GLA: variants seen among roughly 807,000 people sequenced by gnomAD.
GLA encodes the protein alpha-galactosidase A.
A neutral mutation model predicts 28.2 loss-of-function variants in GLA; 4 were observed. That is an observed-to-expected ratio of 0.14 (90% confidence interval 0.07 to 0.32). GLA has a LOEUF of 0.32. Ranked by LOEUF, GLA falls within the 10% of genes least tolerant of loss-of-function variation. GLA has a pLI of 1.00. For missense variants in GLA, 203 were observed against 323.7 expected (o/e 0.63, Z 2.86); for synonymous variants, 94 against 113.0 (o/e 0.83, Z 1.07).
At chrX:101,402,568 G>C (rs1442691858) in intron 2 of GLA, among the ~76,000 whole-genome samples, 1 of 109,964 alleles carries the variant, frequency 9.1e-6, no homozygotes, top group Non-Finnish European at 1.9e-5. Flanking sequence ...TTCGAGACCA[G>C]CCTGGCGAAT....
At position 101,398,475 on chromosome X, in the gene GLA, A is replaced by G. The variant is rs869312444; in HGVS notation, c.894T>C (p.Asn298=). The change falls in exon 6 of 7, where the codon AAT becomes AAC. Residue 298 remains asparagine, a synonymous_variant. Transcript: ENST00000218516. ...AIMAAPLFMS[N]DLRHISPQAK... ...CTTGAGGGCTGATGTGTCGGAGGTC[A>G]TTAGACATGAATAAAGGAGCAGCCA... 2 of 1,205,765 alleles carry G rather than the reference A, an allele frequency of 1.7e-6. No individual in the cohort carries two copies. The highest frequency in any genetic ancestry group is 2.2e-6 in the Non-Finnish European group (2 of 889,920).
intron 1 of GLA, among the ~76,000 whole-genome samples, chrX:101,407,167 GTC>G (rs782771550): frequency 8.9e-6 from 1 of 111,839 alleles, no homozygotes; most frequent in South Asian, 3.7e-4. Flanking sequence ...CGACCTTATG[GTC>G]TCTCTAACTC....
Position 101,398,424 on chromosome X carries a change from G to C in GLA, c.945C>G (p.Asp315Glu). ...AGGGGTCCTGATTGATGGCAATTAC[G>C]TCCTTATCCTGAAGGAGAGCTTTGG... ...PQAKALLQDK[D>E]VIAINQDPLG... Residue 315 changes from aspartate to glutamate, a missense_variant, in exon 6 of 7, where the codon GAC becomes GAG. Around this residue, in one of 3 missense-constraint regions of GLA, gnomAD observed 162 missense variants for 246.8 expected, o/e 0.66. Transcript: ENST00000218516. 8.3e-7 allele frequency: 1 copy of C among 1,209,730 alleles called. No homozygotes were observed. Among genetic ancestry groups the C allele is most frequent in the Non-Finnish European group, 1.1e-6 (1 of 893,895 alleles).
chrX:101,403,523 G>A (rs1197679255), intron 2 of GLA, among the ~76,000 whole-genome samples: 1 of 107,810 alleles, frequency 9.3e-6, no homozygotes, highest in Non-Finnish European at 1.9e-5. Flanking sequence ...CACCTCCTGG[G>A]TTCAAGCGAT....
chrX:101,404,171 A>T (rs782654911), intron 1 of GLA, among the ~76,000 whole-genome samples, 186 bp from the exon 2 acceptor site: 1 of 112,362 alleles, frequency 8.9e-6, no homozygotes, highest in South Asian at 3.7e-4. Context: ...TATCCCGTTA[A>T]TATTCCCGCC....
At chrX:101,405,684 GC>G (rs1383400590) in intron 1 of GLA, among the ~76,000 whole-genome samples, 2 of 111,110 alleles carry the variant, frequency 1.8e-5, no homozygotes, top group Non-Finnish European at 3.8e-5. Context: ...ACTCTGGGAG[GC>G]CAAGGCGGGC....
intron 3 of GLA, 91 bp from the exon 4 acceptor site, chrX:101,400,848 A>G: frequency 2.2e-6 from 1 of 448,611 alleles, no homozygotes; most frequent in South Asian, 3.6e-5. Context: ...TTTTATTTTA[A>G]TTTTTTGAGA....
chrX:101,403,413 G>T (rs1205116965), intron 2 of GLA, among the ~76,000 whole-genome samples: 1 of 110,074 alleles, frequency 9.1e-6, no homozygotes, highest in East Asian at 2.8e-4. Context: ...GTGTCATGAG[G>T]GCTGTTTCTT....
intron 2 of GLA, among the ~76,000 whole-genome samples, chrX:101,402,274 T>C (rs1028473073): frequency 3.1e-4 from 35 of 111,900 alleles, no homozygotes; most frequent in African/African-American, 1.1e-3. Flanking sequence ...TGATATCTGA[T>C]CAATTTCCCT....
chrX:101,401,459 A>G (rs1885286702), intron 3 of GLA, 173 bp downstream of exon 3: 3 of 504,966 alleles, frequency 5.9e-6, no homozygotes, highest in Non-Finnish European at 1.1e-5. Context: ...ACATGAATTA[A>G]TTAATTAATT....
intron 2 of GLA, 133 bp downstream of exon 2, chrX:101,403,678 C>T (rs1393909245): frequency 1.0e-5 from 6 of 600,517 alleles, no homozygotes; most frequent in Non-Finnish European, 1.6e-5. Flanking sequence ...ATCCACCCGC[C>T]TCGGCCTCCC....
intron 3 of GLA, among the ~76,000 whole-genome samples, chrX:101,401,056 G>A (rs869312332): frequency 1.5e-4 from 17 of 110,548 alleles, no homozygotes; most frequent in Non-Finnish European, 3.2e-4. Context: ...GGGTGGTCTC[G>A]AACTCCTGAC....
At chrX:101,401,279 G>C (rs1928305625) in intron 3 of GLA, 3 of 284,787 alleles carry the variant, frequency 1.1e-5, no homozygotes, top group Non-Finnish European at 1.9e-5. Flanking sequence ...CAGAGATGGT[G>C]TGTATATTGA....
chrX:101,398,726 G>A, intron 5 of GLA, 59 bp downstream of exon 5: 1 of 1,147,743 alleles, frequency 8.7e-7, no homozygotes, highest in African/African-American at 1.8e-5. Flanking sequence ...TACCTTGAAT[G>A]TCAAAATAGG....
At chrX:101,406,131 G>T (rs1243922886) in intron 1 of GLA, among the ~76,000 whole-genome samples, 4 of 95,322 alleles carry the variant, frequency 4.2e-5, no homozygotes, top group Non-Finnish European at 8.2e-5. Flanking sequence ...AGAATGGCGT[G>T]AACCCAGGAG....
In GLA at chrX:101,407,704, T is replaced by C. The variant is rs1463398466; in HGVS notation, c.194+6A>G. The C allele has an allele frequency of 8.3e-7, 1 of 1,201,485 alleles. No homozygotes were observed. The highest frequency in any genetic ancestry group is 1.1e-6 in the Non-Finnish European group (1 of 887,282). ...CAAAGGGAAGGGAGTACCCAATATC[T>C]GATACCTGATGCAGGAATCTGGCTC... is the stretch of plus-strand genomic sequence containing the variant. On this transcript the variant is annotated splice_donor_region_variant and intron_variant, in intron 1 of 6. Coordinates refer to ENST00000218516, the MANE Select transcript of GLA (RefSeq NM_000169.3).
intron 2 of GLA, 64 bp downstream of exon 2, chrX:101,403,747 C>A: frequency 9.1e-7 from 1 of 1,097,030 alleles, no homozygotes; most frequent in Admixed American, 2.2e-5. Flanking sequence ...TGTTTCTAAA[C>A]AAGCTTCTGT....
chrX:101,405,664 T>C (rs1001798082), intron 1 of GLA, among the ~76,000 whole-genome samples: 3 of 110,359 alleles, frequency 2.7e-5, no homozygotes, highest in Non-Finnish European at 3.8e-5. Flanking sequence ...CTCACACCTG[T>C]AATCCCAGCA....
intron 2 of GLA, 51 bp downstream of exon 2, chrX:101,403,760 A>T (rs782471208): frequency 8.9e-7 from 1 of 1,124,368 alleles, no homozygotes. Context: ...GCTTCTGTAC[A>T]GAAGTGCTTA....
Sources: gnomAD v4.1 joint callset for allele counts (sites outside exome capture counted in the v4.1 genomes callset) on GRCh38, gnomAD v4.1.1 for gene constraint, gnomAD v4.1.1 regional missense constraint, MANE v1.5 for transcripts, NCBI Gene and HGNC (gene_info 2026-07-23, HGNC 2026-07-21) for gene names.